Variants in TNIK observed in about 807,000 individuals in gnomAD.
TNIK encodes TRAF2 and NCK-interacting protein kinase.
TNIK carries 49 observed loss-of-function variants against 191.3 expected under a neutral mutation model. The observed-to-expected ratio is 0.26, with a 90% CI of 0.20 to 0.32. The LOEUF (loss-of-function observed/expected upper bound fraction) is 0.32, where lower values mean the gene tolerates loss of function less well. Ranked by LOEUF, TNIK falls within the 10% of genes least tolerant of loss-of-function variation. The pLI is 1.00. For missense variants in TNIK, 1,155 were observed against 1,702.3 expected (o/e 0.68, Z 5.66); for synonymous variants, 594 against 600.9 (o/e 0.99, Z 0.17).
At chr3:171,367,424 G>C (rs1336144837) in intron 2 of TNIK, among the ~76,000 whole-genome samples, 1 of 148,990 alleles carries the variant, frequency 6.7e-6, no homozygotes, top group Admixed American at 6.7e-5. Flanking sequence ...GGTAGGTAGG[G>C]AGTTATAATT....
rs1268488978 is a variant in TNIK, at chr3:171,068,876, T to A, written c.3671A>T (p.Asn1224Ile). Residue 1224 changes from asparagine to isoleucine, a missense_variant, in exon 30 of 33, where the codon AAC becomes ATC. Asn to Ile is a moderately radical substitution (Grantham distance 149). Around this residue, in one of 3 missense-constraint regions of TNIK, gnomAD observed 195 missense variants for 415.4 expected, o/e 0.47. Transcript: ENST00000436636. ...AGATGGTATGTAGATATCATAAGAG[T>A]TTCCTGAATCAACATCAATTACATG... ...GFHVIDVDSG[N>I]SYDIYIPSHI... 14 of 1,613,398 alleles carry A rather than the reference T, an allele frequency of 8.7e-6. No individual in the cohort carries two copies. Among genetic ancestry groups the A allele is most frequent in the Non-Finnish European group, 1.2e-5 (14 of 1,179,690 alleles).
chr3:171,278,679 C>A (rs1218807826), intron 2 of TNIK, among the ~76,000 whole-genome samples: 1 of 152,068 alleles, frequency 6.6e-6, no homozygotes, highest in East Asian at 1.9e-4. Flanking sequence ...AGTATCCTCC[C>A]AAATGACAAG....
At chr3:171,197,316 G>T (rs1270133723) in intron 4 of TNIK, among the ~76,000 whole-genome samples, 4 of 151,786 alleles carry the variant, frequency 2.6e-5, no homozygotes, top group African/African-American at 9.7e-5. Context: ...AAACCATAGG[G>T]GTAACTCTCC....
At chr3:171,144,728 G>A (rs776562288) in intron 12 of TNIK, among the ~76,000 whole-genome samples, 6 of 152,060 alleles carry the variant, frequency 3.9e-5, no homozygotes, top group Admixed American at 2.6e-4. Context: ...TATTCCTCTC[G>A]TCTATAGCTT....
intron 9 of TNIK, among the ~76,000 whole-genome samples, chr3:171,173,872 A>C (rs1176996665): frequency 6.6e-6 from 1 of 152,092 alleles, no homozygotes; most frequent in Non-Finnish European, 1.5e-5. Flanking sequence ...CTTCCAGGGA[A>C]GAGAACTGCG....
intron 9 of TNIK, among the ~76,000 whole-genome samples, chr3:171,169,200 T>G (rs1285385591): frequency 5.3e-5 from 8 of 152,110 alleles, no homozygotes; most frequent in African/African-American, 1.9e-4. Context: ...TATGAAATAT[T>G]TATAAGGAAT....
rs191741743 is a variant in TNIK at position 171,238,968 on chromosome 3, C to A, written c.124-10747G>T. ...TCAACTGGCTTTTGAGTGGCCAATT[C>A]TAAGACTTTCCCATTTAAGCAGCAT... On this transcript the variant is annotated intron_variant, in intron 2 of 32. Coordinates refer to ENST00000436636, the MANE Select transcript of TNIK (RefSeq NM_015028.4). Among the ~76,000 whole-genome samples, 101 of 152,278 alleles carry A rather than the reference C, an allele frequency of 6.6e-4. 1 individual carries two copies. Among genetic ancestry groups the A allele is most frequent in the Non-Finnish European group, 1.0e-4 (7 of 68,026 alleles).
chr3:171,068,725 G>A (rs985695617), intron 30 of TNIK, 123 bp downstream of exon 30: 18 of 956,624 alleles, frequency 1.9e-5, no homozygotes, highest in Non-Finnish European at 1.4e-5. Context: ...AATGAAGAAC[G>A]AAAGTCCATT....
rs905983160 is a variant in TNIK at position 171,159,548 on chromosome 3, T to C, written c.1016+1722A>G. ...CAAACTCTAAAACCCCAAACGATGGTGCTTATCTACACAGGCCACTTGCCC... is the reference window on the plus strand; with the variant it reads ...CAAACTCTAAAACCCCAAACGATGGCGCTTATCTACACAGGCCACTTGCCC... On this transcript the variant is annotated intron_variant, in intron 11 of 32. Coordinates refer to ENST00000436636, the MANE Select transcript of TNIK (RefSeq NM_015028.4). The surrounding 1 kb of genome is among the most constrained non-coding windows in gnomAD (Gnocchi z 4.1). Among the ~76,000 whole-genome samples the C allele has an allele frequency of 6.6e-6, 1 of 151,970 alleles. No homozygotes were observed. Among genetic ancestry groups the C allele is most frequent in the Non-Finnish European group, 1.5e-5 (1 of 67,978 alleles).
chr3:171,110,143 G>A (rs1437390807), intron 19 of TNIK, among the ~76,000 whole-genome samples: 2 of 152,148 alleles, frequency 1.3e-5, no homozygotes, highest in Non-Finnish European at 2.9e-5. Context: ...CCGACCTTAG[G>A]TGATCTGCCT....
intron 25 of TNIK, 38 bp from the exon 26 acceptor site, chr3:171,084,363 A>G (rs1165744756): frequency 1.3e-6 from 2 of 1,593,566 alleles, no homozygotes; most frequent in South Asian, 2.3e-5. Context: ...GTGACATCTT[A>G]AAAGATAACT....
At chr3:171,369,718 A>G in intron 1 of TNIK, 33 bp from the exon 2 acceptor site, 1 of 1,523,180 alleles carries the variant, frequency 6.6e-7, no homozygotes, top group Non-Finnish European at 8.9e-7. Context: ...TAAAAATTCA[A>G]AACAATATTC....
intron 1 of TNIK, among the ~76,000 whole-genome samples, chr3:171,398,000 G>A (rs1051901702): frequency 6.6e-6 from 1 of 152,138 alleles, no homozygotes; most frequent in South Asian, 2.1e-4. Context: ...TTAGACCTTA[G>A]ATATGAAGTG....
chr3:171,074,919 C>T (rs1719695279), intron 28 of TNIK, among the ~76,000 whole-genome samples: 1 of 151,854 alleles, frequency 6.6e-6, no homozygotes, highest in Non-Finnish European at 1.5e-5. Flanking sequence ...GATATTGCTC[C>T]CTGGTTAAAT....
At chr3:171,214,537 T>C (rs1741234193) in intron 3 of TNIK, among the ~76,000 whole-genome samples, 1 of 152,234 alleles carries the variant, frequency 6.6e-6, no homozygotes, top group Non-Finnish European at 1.5e-5. Flanking sequence ...GTAAATTATT[T>C]TGTAAATGTA....
intron 2 of TNIK, among the ~76,000 whole-genome samples, chr3:171,284,242 C>T (rs1299554706): frequency 6.6e-6 from 1 of 152,132 alleles, no homozygotes; most frequent in Non-Finnish European, 1.5e-5. Context: ...GAAAAAATAG[C>T]TTTGGAAACA....
At chr3:171,125,121 T>C (rs9841057) in intron 17 of TNIK, among the ~76,000 whole-genome samples, 2,693 of 152,326 alleles carry the variant, frequency 0.018, 90 homozygotes, top group African/African-American at 0.062. Flanking sequence ...TTCTGCAAAT[T>C]GTGGAACATT....
Position 171,194,570 on chromosome 3 carries a change from C to A in TNIK, c.372G>T (p.Thr124=). Residue 124 remains threonine (T), a synonymous_variant, in exon 5 of 33, where the codon ACG becomes ACT. Transcript: ENST00000436636. ...TGTATGCAATCCACTCCTCTTTCAA[C>A]GTGTTACCTTTTGTGTTCTTGATCA... ...TDLIKNTKGN[T]LKEEWIAYIC... 1 of 1,613,954 alleles carries A rather than the reference C, an allele frequency of 6.2e-7. No homozygotes were observed. Among genetic ancestry groups the A allele is most frequent in the South Asian group, 1.1e-5 (1 of 91,080 alleles).
chr3:171,433,688 T>C (rs764164568), intron 1 of TNIK, among the ~76,000 whole-genome samples: 2 of 152,092 alleles, frequency 1.3e-5, no homozygotes, highest in Non-Finnish European at 1.5e-5. Flanking sequence ...TTTAAAATAA[T>C]TTTTTCAGAT....
Sources: gnomAD v4.1 joint callset for allele counts (sites outside exome capture counted in the v4.1 genomes callset) on GRCh38, gnomAD v4.1.1 for gene constraint, gnomAD v4.1.1 regional missense constraint, Gnocchi (gnomAD v3.1) non-coding constraint, MANE v1.5 for transcripts, NCBI Gene and HGNC (gene_info 2026-07-23, HGNC 2026-07-21) for gene names.